Variants in H3C4 observed in about 807,000 individuals in gnomAD.
The protein encoded by H3C4 is H3 clustered histone 4, also known as histone H3.1.
In H3C4, 10 loss-of-function variants were observed where a neutral mutation model predicts 8.7. That is an observed-to-expected ratio of 1.15 (90% CI 0.71 to 1.96). The LOEUF (loss-of-function observed/expected upper bound fraction) is 1.96. Ranked by LOEUF, H3C4 falls within the 30% of genes most tolerant of loss-of-function variation. The pLI is 0.00. For missense variants in H3C4, 216 were observed against 192.9 expected, an observed-to-expected ratio of 1.12 and a Z score of -0.71; for synonymous variants, 141 against 80.1, an observed-to-expected ratio of 1.76 and a Z score of -4.06.
At chr6:26,198,965 C>CTT, upstream of H3C4, 1 of 1,614,232 alleles carries the variant, frequency 6.2e-7, no homozygotes, top group Non-Finnish European at 8.5e-7. Context: ...ACTTGTTTAG[C>CTT]TCCTCGTCGT....
In H3C4 at chr6:26,197,009, G is replaced by T; in HGVS notation, c.242C>A (p.Thr81Asn). 2 of 1,614,256 alleles carry T rather than the reference G, an allele frequency of 1.2e-6. No individual in the cohort carries two copies. Among genetic ancestry groups the T allele is most frequent in the South Asian group, 1.1e-5 (1 of 91,090 alleles). The change falls in exon 1 of 1, where the codon ACT (threonine) becomes AAT (asparagine). Residue 81 changes from threonine to asparagine, a missense_variant. Coordinates refer to ENST00000356476, the MANE Select transcript of H3C4 (RefSeq NM_001376937.1). ...LVREIAQDFKTDLRFQSSAVM... is the reference protein window; with the variant it reads ...LVREIAQDFKNDLRFQSSAVM... Reference sequence around the variant, plus strand: ...CGCCGAGCTCTGAAAACGCAGATCAGTCTTGAAGTCCTGCGCGATCTCACG... The same window carrying T: ...CGCCGAGCTCTGAAAACGCAGATCATTCTTGAAGTCCTGCGCGATCTCACG...
upstream of H3C4, among the ~76,000 whole-genome samples, chr6:26,198,676 G>C (rs1008740455): frequency 6.6e-6 from 1 of 152,142 alleles, no homozygotes; most frequent in African/African-American, 2.4e-5. Context: ...TGGACGGTTA[G>C]TTTCACGATT....
chr6:26,199,252 C>A (rs376523430), upstream of H3C4: 2 of 1,591,826 alleles, frequency 1.3e-6, no homozygotes, highest in East Asian at 2.2e-5. Context: ...ATTTTGAATT[C>A]TTAAAAACGA....
chr6:26,198,863 G>A, upstream of H3C4: 2 of 1,613,466 alleles, frequency 1.2e-6, no homozygotes, highest in African/African-American at 1.3e-5. Context: ...ACTTGCCCTT[G>A]GCCTTGTGGT....
chr6:26,199,166 G>C, upstream of H3C4: 1 of 1,614,134 alleles, frequency 6.2e-7, no homozygotes. Flanking sequence ...GGCCCACAGG[G>C]AACTGGAGTC....
At chr6:26,197,823 C>A (rs1173801661), upstream of H3C4, among the ~76,000 whole-genome samples, 1 of 44,580 alleles carries the variant, frequency 2.2e-5, no homozygotes. Context: ...ATATGTCATC[C>A]TCATATGAAA....
upstream of H3C4, among the ~76,000 whole-genome samples, chr6:26,197,718 CAAT>C (rs1765010146): frequency 2.0e-5 from 3 of 152,092 alleles, no homozygotes; most frequent in South Asian, 6.2e-4. Flanking sequence ...GAGATATTTT[CAAT>C]AATTTGTTCC....
upstream of H3C4, chr6:26,199,199 A>C (rs748308650): frequency 6.2e-7 from 1 of 1,613,080 alleles, no homozygotes; most frequent in Non-Finnish European, 8.5e-7. Flanking sequence ...AGCGGGTCTT[A>C]GCCTTAGCTC....
chr6:26,196,939 C>G lies in H3C4; in HGVS notation c.312G>C (p.Leu104=), dbSNP rs555694355. Residue 104 remains leucine (L), a synonymous_variant, in exon 1 of 1, where the codon CTG becomes CTC. Transcript: ENST00000356476. ...TGGCGCATAGGTTGGTGTCCTCAAACAGCCCCACCAGGTAGGCCTCGCAGG... is the reference window on the plus strand; with the variant it reads ...TGGCGCATAGGTTGGTGTCCTCAAAGAGCCCCACCAGGTAGGCCTCGCAGG... ...QEACEAYLVG[L]FEDTNLCAIH... 1.2e-6 allele frequency: 2 copies of G among 1,614,262 alleles called. No homozygotes were observed. Among genetic ancestry groups the G allele is most frequent in the Non-Finnish European group, 8.5e-7 (1 of 1,180,050 alleles).
chr6:26,198,842 G>A (rs770383182), upstream of H3C4: 2 of 1,611,210 alleles, frequency 1.2e-6, no homozygotes, highest in Admixed American at 1.7e-5. Context: ...CAATATAAGA[G>A]TTCTCGTTTT....
At chr6:26,198,689 G>C (rs1305720667), upstream of H3C4, among the ~76,000 whole-genome samples, 1 of 152,138 alleles carries the variant, frequency 6.6e-6, no homozygotes, top group Non-Finnish European at 1.5e-5. Flanking sequence ...TCACGATTCA[G>C]TGTTAAGAAC....
chr6:26,199,010 G>A (rs774013948), upstream of H3C4: 12 of 1,614,192 alleles, frequency 7.4e-6, no homozygotes, highest in Middle Eastern at 5.0e-4. Flanking sequence ...GGGGGATGAT[G>A]CGGGTCTTCT....
chr6:26,198,822 C>A, upstream of H3C4: 2 of 1,602,042 alleles, frequency 1.2e-6, no homozygotes, highest in South Asian at 2.2e-5. Context: ...AGACTGCTTC[C>A]TTAAAAAGCC....
upstream of H3C4, chr6:26,199,054 G>T (rs754816455): frequency 5.6e-6 from 9 of 1,614,222 alleles, no homozygotes; most frequent in Non-Finnish European, 7.6e-6. Flanking sequence ...GCCAGCTCCA[G>T]GATCTCGGCG....
chr6:26,199,032 GCGGCGT>G, upstream of H3C4: 2 of 1,614,130 alleles, frequency 1.2e-6, no homozygotes, highest in Non-Finnish European at 1.7e-6. Flanking sequence ...GTTGTCGCGG[GCGGCGT>G]TGCCCGCCAG....
upstream of H3C4, chr6:26,199,196 C>G: frequency 9.3e-6 from 15 of 1,613,626 alleles, no homozygotes; most frequent in Non-Finnish European, 1.3e-5. Context: ...AAGAGCGGGT[C>G]TTAGCCTTAG....
upstream of H3C4, chr6:26,199,065 G>A (rs765242596): frequency 4.3e-6 from 7 of 1,614,092 alleles, no homozygotes; most frequent in Admixed American, 5.0e-5. Context: ...GATCTCGGCG[G>A]TCAGGTACTC....
upstream of H3C4, among the ~76,000 whole-genome samples, chr6:26,197,790 T>C (rs1346962679): frequency 1.4e-5 from 2 of 146,170 alleles, no homozygotes; most frequent in Admixed American, 1.4e-4. Flanking sequence ...TTAAGCTACA[T>C]GAACACATTT....
rs1347100402 is a variant in H3C4, at chr6:26,197,090, C to T, written c.161G>A (p.Arg54His). The T allele has an allele frequency of 1.9e-6, 3 of 1,614,076 alleles. No homozygotes were observed. Among genetic ancestry groups the T allele is most frequent in the African/African-American group, 1.3e-5 (1 of 74,932 alleles). Residue 54 changes from arginine (R) to histidine (H), a missense_variant, in exon 1 of 1, where the codon CGC (arginine) becomes CAC (histidine). By Grantham distance (29) the Arg-to-His change is conservative. Transcript: ENST00000356476. ...PGTVALREIRRYQKSTELLIR... is the reference protein window; with the variant it reads ...PGTVALREIRHYQKSTELLIR... ...CAGCAGCTCGGTCGACTTCTGGTAGCGGCGGATCTCGCGCAGAGCCACCGT... is the reference window on the plus strand; with the variant it reads ...CAGCAGCTCGGTCGACTTCTGGTAGTGGCGGATCTCGCGCAGAGCCACCGT...
Sources: allele counts gnomAD v4.1 joint callset (sites outside exome capture counted in the v4.1 genomes callset), GRCh38; gene constraint gnomAD v4.1.1; transcripts MANE v1.5; gene names NCBI Gene and HGNC (gene_info 2026-07-23, HGNC 2026-07-21).